Variants in WASHC2C observed in about 807,000 individuals in gnomAD.
WASHC2C encodes the protein Vaccinia Penetration Factor.
WASHC2C carries 73 observed loss-of-function variants against 142.2 expected under a neutral mutation model. The ratio of observed to expected loss-of-function variants is 0.51; its 90% CI spans 0.43 to 0.62. The LOEUF (loss-of-function observed/expected upper bound fraction) is 0.62. Ranked by LOEUF, WASHC2C falls within the 20% of genes least tolerant of loss-of-function variation. WASHC2C has a pLI of 0.00. For missense variants in WASHC2C, 969 were observed against 1,531.7 expected, an observed-to-expected ratio of 0.63 and a Z score of 6.13; for synonymous variants, 337 against 565.5, an observed-to-expected ratio of 0.60 and a Z score of 5.73.
rs782240268 is a variant in WASHC2C at position 45,752,611 on chromosome 10, C to G, written c.1027C>G (p.Pro343Ala). ...AGATGAAGAGGATAACTTATTCGCA[C>G]CCCCCAAGCTGACCGACGAGGACTT... ...SDDEEDNLFA[P>A]PKLTDEDFSP... The change falls in exon 12 of 31, where the codon CCC becomes GCC. Residue 343 changes from proline (P) to alanine (A), a missense_variant. Physicochemically the swap from Pro to Ala is conservative, Grantham distance 27. Coordinates refer to ENST00000623400, the MANE Select transcript of WASHC2C (RefSeq NM_001330074.2). 10 of 1,609,168 alleles carry G rather than the reference C, an allele frequency of 6.2e-6. No homozygotes were observed. In the South Asian group the frequency reaches 7.7e-5, roughly 12 times the overall value.
chr10:45,791,223 C>G (rs1458249962), intron 30 of WASHC2C, among the ~76,000 whole-genome samples: 1 of 152,234 alleles, frequency 6.6e-6, no homozygotes, highest in Non-Finnish European at 1.5e-5. Context: ...CACACTGGCT[C>G]TGTGCCTCCA....
chr10:45,739,329 G>A (rs1290133829), intron 4 of WASHC2C, among the ~76,000 whole-genome samples: 1 of 146,862 alleles, frequency 6.8e-6, no homozygotes, highest in African/African-American at 2.5e-5. Context: ...ACAACACTGT[G>A]TGGTTTGGTT....
rs2058256798 is a variant in WASHC2C at position 45,789,268 on chromosome 10, C to T, written c.3485C>T (p.Pro1162Leu). ...ATAGCAGAGAATCCTGCCAACCCAC[C>T]AGTGGGTGGTAAAGCAAAGAGCCCC... Reference protein sequence around the residue: ...AKIAENPANPPVGGKAKSPMF... With the variant: ...AKIAENPANPLVGGKAKSPMF... Residue 1162 changes from proline to leucine, a missense_variant, in exon 29 of 31, where the codon CCA becomes CTA. By Grantham distance (98) the Pro-to-Leu change is moderately conservative (BLOSUM62 -3). Coordinates refer to ENST00000623400, the MANE Select transcript of WASHC2C (RefSeq NM_001330074.2). 2.5e-6 allele frequency: 4 copies of T among 1,611,954 alleles called. No individual in the cohort carries two copies. Among genetic ancestry groups the T allele is most frequent in the South Asian group, 1.1e-5 (1 of 90,998 alleles).
intron 15 of WASHC2C, among the ~76,000 whole-genome samples, chr10:45,755,625 C>T (rs1328597086): frequency 2.0e-5 from 3 of 152,298 alleles, no homozygotes; most frequent in Non-Finnish European, 4.4e-5. Context: ...TGAAGTCATT[C>T]CCATAAATCA....
chr10:45,757,919 G>T (rs1398940491), intron 16 of WASHC2C, among the ~76,000 whole-genome samples: 29 of 152,064 alleles, frequency 1.9e-4, no homozygotes, highest in African/African-American at 6.8e-4. Context: ...CTGCAGCCCA[G>T]GGTTGGGGAC....
Position 45,752,616 on chromosome 10 carries a change from C to G in WASHC2C, c.1032C>G (p.Pro344=), listed in dbSNP as rs782042416. ...DDEEDNLFAP[P]KLTDEDFSPF... ...AAGAGGATAACTTATTCGCACCCCC[C>G]AAGCTGACCGACGAGGACTTCTCGC... is the stretch of plus-strand genomic sequence containing the variant. The change falls in exon 12 of 31, where the codon CCC becomes CCG. Residue 344 remains proline (P), a synonymous_variant. Coordinates refer to ENST00000623400, the MANE Select transcript of WASHC2C (RefSeq NM_001330074.2). 13 of 1,609,898 alleles carry G rather than the reference C, an allele frequency of 8.1e-6. No homozygotes were observed. The highest frequency in any genetic ancestry group is 1.0e-5 in the Non-Finnish European group (12 of 1,178,770).
intron 8 of WASHC2C, among the ~76,000 whole-genome samples, chr10:45,747,527 T>C (rs2052992785): frequency 6.6e-6 from 1 of 152,254 alleles, no homozygotes; most frequent in Admixed American, 6.5e-5. Context: ...TCATAGTCTC[T>C]AAATGTATAA....
At chr10:45,769,054 C>T (rs2056280276) in intron 19 of WASHC2C, among the ~76,000 whole-genome samples, 1 of 152,128 alleles carries the variant, frequency 6.6e-6, no homozygotes. Flanking sequence ...TTAAATACAA[C>T]TTAGTTTAAC....
chr10:45,728,941 TCCGGGAAA>T lies in WASHC2C; in HGVS notation c.209_216del (p.Arg70GlnfsTer9), dbSNP rs1554861129. 1 of 1,613,864 alleles carries T rather than the reference TCCGGGAAA, an allele frequency of 6.2e-7. No individual in the cohort carries two copies. Among genetic ancestry groups the T allele is most frequent in the African/African-American group, 1.3e-5 (1 of 74,934 alleles). ...ATCAAGAAACAAGTGGACGGACTAA[TCCGGGAAA>T]CCAAAGCCACAGATTGTCGCCTGCA... is the stretch of plus-strand genomic sequence containing the variant. On this transcript the variant is annotated frameshift_variant, in exon 3 of 31. Transcript: ENST00000623400. LOFTEE classifies it high-confidence loss of function.
At chr10:45,731,885 C>T (rs1328462972) in intron 3 of WASHC2C, among the ~76,000 whole-genome samples, 1 of 149,720 alleles carries the variant, frequency 6.7e-6, no homozygotes, top group Non-Finnish European at 1.5e-5. Context: ...AGCTCTACCT[C>T]CCGGGTTCAT....
At chr10:45,787,379 C>T in intron 28 of WASHC2C, 132 bp downstream of exon 28, 6 of 1,521,896 alleles carry the variant, frequency 3.9e-6, no homozygotes, top group Non-Finnish European at 4.5e-6. Context: ...ATCCTTCCTT[C>T]AGCCGCTCCC....
chr10:45,769,001 A>G (rs1477851540), intron 19 of WASHC2C, among the ~76,000 whole-genome samples: 1 of 152,212 alleles, frequency 6.6e-6, no homozygotes, highest in Non-Finnish European at 1.5e-5. Context: ...AGTCTTAAGC[A>G]TGAGCTTTCT....
At chr10:45,739,331 G>T in intron 4 of WASHC2C, among the ~76,000 whole-genome samples, 1 of 147,634 alleles carries the variant, frequency 6.8e-6, no homozygotes. Context: ...AACACTGTGT[G>T]GTTTGGTTCC....
rs2058251882 is a variant in WASHC2C, at chr10:45,789,159, G to A, written c.3376G>A (p.Glu1126Lys). Residue 1126 changes from glutamate (E) to lysine (K), a missense_variant, in exon 29 of 31, where the codon GAG becomes AAG. Coordinates refer to ENST00000623400, the MANE Select transcript of WASHC2C (RefSeq NM_001330074.2). ...FAKSLGHSRG[E>K]ADLFDSGDIF... is the part of the protein sequence containing the mutation. ...AAAGTCTCTGGGTCATTCCAGAGGGGAGGCTGACCTTTTTGATTCTGGGGA... is the reference window on the plus strand; with the variant it reads ...AAAGTCTCTGGGTCATTCCAGAGGGAAGGCTGACCTTTTTGATTCTGGGGA... The A allele has an allele frequency of 6.2e-7, 1 of 1,611,962 alleles. No individual in the cohort carries two copies. Among genetic ancestry groups the A allele is most frequent in the African/African-American group, 1.3e-5 (1 of 74,868 alleles).
chr10:45,756,968 A>G, intron 15 of WASHC2C, 44 bp from the exon 16 acceptor site: 2 of 1,505,370 alleles, frequency 1.3e-6, no homozygotes, highest in Non-Finnish European at 1.8e-6. Flanking sequence ...TTGTGATAGG[A>G]TGTTTGACGT....
At position 45,789,243 on chromosome 10, in the gene WASHC2C, A is replaced by G. The variant is rs1336521606; in HGVS notation, c.3460A>G (p.Ile1154Val). The G allele has an allele frequency of 6.2e-7, 1 of 1,611,976 alleles. No homozygotes were observed. Among genetic ancestry groups the G allele is most frequent in the African/African-American group, 1.3e-5 (1 of 74,874 alleles). Residue 1154 changes from isoleucine (I) to valine (V), a missense_variant, in exon 29 of 31, where the codon ATA (isoleucine) becomes GTA (valine). Coordinates refer to ENST00000623400, the MANE Select transcript of WASHC2C (RefSeq NM_001330074.2). ...SVERTKPKAK[I>V]AENPANPPVG... ...GGAGAGAACAAAACCCAAGGCAAAG[A>G]TAGCAGAGAATCCTGCCAACCCACC...
chr10:45,746,546 C>G, intron 7 of WASHC2C, 54 bp from the exon 8 acceptor site: 1 of 1,590,990 alleles, frequency 6.3e-7, no homozygotes, highest in Non-Finnish European at 8.6e-7. Context: ...GCAATCATTT[C>G]TGTGCTTCTA....
At chr10:45,778,852 TG>T (rs2057284059) in intron 22 of WASHC2C, 100 bp from the exon 23 acceptor site, 1 of 611,396 alleles carries the variant, frequency 1.6e-6, no homozygotes, top group Admixed American at 3.0e-5. Context: ...GTCATGCAAA[TG>T]TGGCAGTTAC....
At chr10:45,749,508 C>G (rs530671328) in intron 8 of WASHC2C, among the ~76,000 whole-genome samples, 1 of 150,762 alleles carries the variant, frequency 6.6e-6, no homozygotes, top group Non-Finnish European at 1.5e-5. Flanking sequence ...TTTTTATATT[C>G]TTGTTGTTAC....
Sources: gnomAD v4.1 joint callset for allele counts (sites outside exome capture counted in the v4.1 genomes callset) on GRCh38, gnomAD v4.1.1 for gene constraint, MANE v1.5 for transcripts, NCBI Gene and HGNC (gene_info 2026-07-23, HGNC 2026-07-21) for gene names.